RGS6: variants seen among roughly 807,000 people sequenced by gnomAD.
RGS6 encodes the protein regulator of G-protein signaling 6.
RGS6 carries 30 observed loss-of-function variants against 78.5 expected under a neutral mutation model. The ratio of observed to expected loss-of-function variants is 0.38; its 90% CI spans 0.29 to 0.52. The LOEUF (loss-of-function observed/expected upper bound fraction) is 0.52, where lower values mean the gene tolerates loss of function less well. Ranked by LOEUF, RGS6 falls within the 20% of genes least tolerant of loss-of-function variation. The pLI, the probability that RGS6 is intolerant of heterozygous loss-of-function variation, is 0.85. For synonymous variants in RGS6, 206 were observed against 206.0 expected (o/e 1.00, Z 0.00); for missense variants, 495 against 609.7 (o/e 0.81, Z 1.98).
intron 1 of RGS6, among the ~76,000 whole-genome samples, chr14:71,936,031 T>C (rs1177883063): frequency 8.8e-6 from 1 of 114,188 alleles, no homozygotes; most frequent in East Asian, 2.7e-4. Flanking sequence ...TATATATATA[T>C]ATATATATAT....
intron 2 of RGS6, among the ~76,000 whole-genome samples, chr14:72,290,845 G>A (rs1204681021): frequency 1.3e-5 from 2 of 151,970 alleles, no homozygotes; most frequent in African/African-American, 4.8e-5. Context: ...GTTTGTAGCT[G>A]TCAACTCTGT....
chr14:72,397,624 T>C (rs2091629189), intron 3 of RGS6, among the ~76,000 whole-genome samples: 1 of 152,228 alleles, frequency 6.6e-6, no homozygotes, highest in South Asian at 2.1e-4. Context: ...CCCTGTCTTG[T>C]GCCCGTTTCC....
chr14:72,302,683 C>T (rs559229008), intron 2 of RGS6, among the ~76,000 whole-genome samples: 1 of 125,418 alleles, frequency 8.0e-6, no homozygotes, highest in Non-Finnish European at 1.7e-5. Context: ...CATACACATA[C>T]ACACACACAC....
At chr14:71,981,661 G>A (rs1170987111) in intron 2 of RGS6, among the ~76,000 whole-genome samples, 54 of 151,822 alleles carry the variant, frequency 3.6e-4, no homozygotes, top group East Asian at 5.8e-4. Context: ...CTCCAGCTGC[G>A]TGCTGGGAGA....
At chr14:72,315,393 G>A (rs1008058434) in intron 2 of RGS6, among the ~76,000 whole-genome samples, 2 of 152,120 alleles carry the variant, frequency 1.3e-5, no homozygotes, top group African/African-American at 2.4e-5. Flanking sequence ...TAAATGCTCC[G>A]GGCAGTAAAT....
rs2095049252 is a variant in RGS6, at chr14:71,993,336, G to A, written c.84+28461G>A. ...TATTTTTTTTAGAGAGTGGCTTTTAGATGGAATTCATTTTCCAATGTATTC... is the reference window on the plus strand; with the variant it reads ...TATTTTTTTTAGAGAGTGGCTTTTAAATGGAATTCATTTTCCAATGTATTC... On this transcript the variant is annotated intron_variant, in intron 2 of 17. Transcript: ENST00000553525. 3.9e-5 allele frequency among the ~76,000 whole-genome samples: 6 copies of A among 152,254 alleles called. No individual in the cohort carries two copies. The South Asian group carries it at 1.0e-3, about 26-fold the overall frequency.
At chr14:72,157,245 G>A (rs1311578523) in intron 2 of RGS6, among the ~76,000 whole-genome samples, 1 of 152,204 alleles carries the variant, frequency 6.6e-6, no homozygotes, top group Non-Finnish European at 1.5e-5. Context: ...GGCATTCAGG[G>A]CTCACCTCAA....
At chr14:72,424,576 G>A (rs1346641473) in intron 3 of RGS6, among the ~76,000 whole-genome samples, 1 of 152,094 alleles carries the variant, frequency 6.6e-6, no homozygotes, top group African/African-American at 2.4e-5. Flanking sequence ...GATTCCCAGA[G>A]GATAAATCAT....
the RGS6 span, among the ~76,000 whole-genome samples, chr14:72,578,716 T>G: frequency 6.6e-6 from 1 of 152,148 alleles, no homozygotes; most frequent in Non-Finnish European, 1.5e-5. Context: ...CTAGGAAAAG[T>G]GCCAAAGTAA....
intron 2 of RGS6, among the ~76,000 whole-genome samples, chr14:72,162,813 C>CAT (rs759153294): frequency 6.6e-6 from 1 of 151,946 alleles, no homozygotes; most frequent in Non-Finnish European, 1.5e-5. Context: ...CACACACACA[C>CAT]ATATATATAC....
At chr14:72,422,518 A>T (rs1259495241) in intron 3 of RGS6, among the ~76,000 whole-genome samples, 2 of 152,188 alleles carry the variant, frequency 1.3e-5, no homozygotes, top group Admixed American at 6.5e-5. Flanking sequence ...GAGAGAAAGA[A>T]GTCTCGCTTT....
At chr14:72,109,309 A>G (rs2153542444) in intron 2 of RGS6, among the ~76,000 whole-genome samples, 1 of 152,152 alleles carries the variant, frequency 6.6e-6, no homozygotes, top group African/African-American at 2.4e-5. Context: ...TTTGTTGTAA[A>G]TGTCCATTAA....
chr14:72,061,985 A>C lies in RGS6; in HGVS notation c.84+97110A>C, dbSNP rs571501386. 1.2e-4 allele frequency among the ~76,000 whole-genome samples: 19 copies of C among 152,368 alleles called. 2 individuals carry two copies. The South Asian group carries it at 3.9e-3, about 32-fold the overall frequency. On this transcript the variant is annotated intron_variant, in intron 2 of 17. Coordinates refer to ENST00000553525, the MANE Select transcript of RGS6 (RefSeq NM_001204424.2). Reference sequence around the variant, plus strand: ...CAGAGCCTCTGACTTTGTGTCTTACATTTTAGTGAGAGAATTGGGTAATAA... The same window carrying C: ...CAGAGCCTCTGACTTTGTGTCTTACCTTTTAGTGAGAGAATTGGGTAATAA...
chr14:72,219,574 A>AT (rs1395195091), intron 2 of RGS6, among the ~76,000 whole-genome samples: 1 of 151,930 alleles, frequency 6.6e-6, no homozygotes, highest in Non-Finnish European at 1.5e-5. Context: ...AAGTGACTTA[A>AT]TTTTTTTCTC....
intron 2 of RGS6, among the ~76,000 whole-genome samples, chr14:72,270,433 T>C (rs1302657399): frequency 6.6e-6 from 1 of 152,228 alleles, no homozygotes; most frequent in Non-Finnish European, 1.5e-5. Context: ...GCAAAGACTC[T>C]GATGTGGTGT....
chr14:71,976,761 C>A (rs1288630232), intron 2 of RGS6, among the ~76,000 whole-genome samples: 3 of 151,640 alleles, frequency 2.0e-5, no homozygotes, highest in Non-Finnish European at 2.9e-5. Flanking sequence ...ATTTATAGTC[C>A]TTTGGGTATA....
the RGS6 span, among the ~76,000 whole-genome samples, chr14:72,608,795 C>A: frequency 6.6e-6 from 1 of 152,238 alleles, no homozygotes; most frequent in Non-Finnish European, 1.5e-5. Context: ...CACCAGGCAG[C>A]AACTGAGACC....
intron 2 of RGS6, among the ~76,000 whole-genome samples, chr14:72,048,390 C>T (rs1006610100): frequency 5.3e-5 from 8 of 152,162 alleles, no homozygotes; most frequent in African/African-American, 7.2e-5. Context: ...TCTATGCTAA[C>T]GCCTTCTAGT....
At chr14:72,420,626 A>AT (rs142831680) in intron 3 of RGS6, among the ~76,000 whole-genome samples, 18,617 of 152,060 alleles carry the variant, frequency 0.12, 1,359 homozygotes, top group East Asian at 0.36. Context: ...TAACATATTA[A>AT]TATTTAATTC....
Sources: gnomAD v4.1 joint callset for allele counts (sites outside exome capture counted in the v4.1 genomes callset) on GRCh38, gnomAD v4.1.1 for gene constraint, MANE v1.5 for transcripts, NCBI Gene and HGNC (gene_info 2026-07-23, HGNC 2026-07-21) for gene names.